Variants in CLOCK observed in about 807,000 individuals in gnomAD.
The protein encoded by CLOCK is circadian locomoter output cycles protein kaput.
CLOCK carries 43 observed loss-of-function variants against 118.4 expected under a neutral mutation model. The ratio of observed to expected loss-of-function variants is 0.36; its 90% CI spans 0.28 to 0.47. The LOEUF is 0.47. Ranked by LOEUF, CLOCK falls within the 20% of genes least tolerant of loss-of-function variation. The probability of loss-of-function intolerance (pLI) is 1.00; values close to 1 mark genes in which losing one functional copy is unlikely to be tolerated. For synonymous variants in CLOCK, 326 were observed against 339.2 expected (o/e 0.96, Z 0.43); for missense variants, 846 against 999.9 (o/e 0.85, Z 2.08).
intron 4 of CLOCK, among the ~76,000 whole-genome samples, chr4:55,480,034 A>G (rs1361976126): frequency 6.6e-6 from 1 of 152,220 alleles, no homozygotes; most frequent in African/African-American, 2.4e-5. Flanking sequence ...GCCATTATAT[A>G]AAATTATTTT....
At chr4:55,542,864 T>A (rs138834208) in intron 1 of CLOCK, among the ~76,000 whole-genome samples, 1 of 152,076 alleles carries the variant, frequency 6.6e-6, no homozygotes, top group African/African-American at 2.4e-5. Flanking sequence ...GTTTAACCCA[T>A]ACACTATCGA....
At chr4:55,510,116 T>C (rs1729043887) in intron 1 of CLOCK, 51 bp from the exon 2 acceptor site, 1 of 152,188 alleles carries the variant, frequency 6.6e-6, no homozygotes, top group Non-Finnish European at 1.5e-5. Context: ...TTAAGTAACA[T>C]TATTATCACT....
At chr4:55,464,672 A>G (rs187909401) in intron 8 of CLOCK, among the ~76,000 whole-genome samples, 1 of 152,268 alleles carries the variant, frequency 6.6e-6, no homozygotes, top group Non-Finnish European at 1.5e-5. Flanking sequence ...AAGCAGTTAT[A>G]CTTTTTGTTT....
rs542076582 is a variant in CLOCK at position 55,531,577 on chromosome 4, C to T, written c.-290+15205G>A. Among the ~76,000 whole-genome samples, 138 of 151,776 alleles carry T rather than the reference C, an allele frequency of 9.1e-4. 1 individual carries two copies. Among genetic ancestry groups the T allele is most frequent in the Non-Finnish European group, 1.1e-3 (76 of 67,882 alleles). ...TCAATTAGCTGGGCGTGGTGGTATG[C>T]GCCTATAGTCCCAGCTACTCTGGAA... On this transcript the variant is annotated intron_variant, in intron 1 of 22. Transcript: ENST00000513440.
intron 18 of CLOCK, 22 bp from the exon 19 acceptor site, chr4:55,444,807 A>C (rs748434248): frequency 8.7e-6 from 14 of 1,611,634 alleles, no homozygotes; most frequent in Middle Eastern, 1.7e-4. Context: ...TGTACGGAAA[A>C]AGTGTAATAT....
In CLOCK at chr4:55,478,804, T is replaced by C; in HGVS notation, c.256+11A>G. The C allele has an allele frequency of 6.2e-7, 1 of 1,611,438 alleles. No individual in the cohort carries two copies. On this transcript the variant is annotated intron_variant, in intron 6 of 22. Transcript: ENST00000513440. Reference sequence around the variant, plus strand: ...GAGAGTCTGTTCCATTTTACAGAGTTAAAAATTTACCTTTATGTTTTCGTA... The same window carrying C: ...GAGAGTCTGTTCCATTTTACAGAGTCAAAAATTTACCTTTATGTTTTCGTA...
chr4:55,448,594 A>ACGTG (rs1553891181), intron 18 of CLOCK, among the ~76,000 whole-genome samples, 185 bp downstream of exon 18: 1 of 81,342 alleles, frequency 1.2e-5, no homozygotes, highest in South Asian at 3.8e-4. Context: ...GCGCGCGCGC[A>ACGTG]CGCGCGCGTG....
intron 9 of CLOCK, 59 bp downstream of exon 9, chr4:55,463,626 A>G: frequency 1.3e-6 from 2 of 1,588,956 alleles, no homozygotes; most frequent in Non-Finnish European, 1.7e-6. Context: ...ATAAACTTGC[A>G]AAAGGATAGT....
At chr4:55,535,284 T>C (rs1011624246) in intron 1 of CLOCK, among the ~76,000 whole-genome samples, 2 of 152,134 alleles carry the variant, frequency 1.3e-5, no homozygotes, top group Admixed American at 6.5e-5. Flanking sequence ...GATTTTAACA[T>C]ATATACATTA....
chr4:55,520,347 T>G (rs957845971), intron 1 of CLOCK, among the ~76,000 whole-genome samples: 2 of 152,172 alleles, frequency 1.3e-5, no homozygotes, highest in South Asian at 2.1e-4. Flanking sequence ...AGATGAAAGC[T>G]TTAGAATTAC....
chr4:55,466,137 G>A (rs763070822), intron 8 of CLOCK, among the ~76,000 whole-genome samples: 3 of 152,150 alleles, frequency 2.0e-5, no homozygotes, highest in Non-Finnish European at 4.4e-5. Flanking sequence ...CATGGGAGGG[G>A]CTGAGTGGGA....
chr4:55,537,257 G>C (rs191941859), intron 1 of CLOCK, among the ~76,000 whole-genome samples: 11 of 152,242 alleles, frequency 7.2e-5, no homozygotes, highest in Admixed American at 5.2e-4. Flanking sequence ...CAAGGAAAGA[G>C]GATTGCTTGA....
intron 6 of CLOCK, among the ~76,000 whole-genome samples, chr4:55,477,011 G>C (rs573807585): frequency 6.6e-6 from 1 of 152,162 alleles, no homozygotes; most frequent in Admixed American, 6.5e-5. Context: ...GAGTAACTAA[G>C]AAGTAGAGCT....
At chr4:55,535,186 TA>T (rs1560484698) in intron 1 of CLOCK, among the ~76,000 whole-genome samples, 40 of 149,134 alleles carry the variant, frequency 2.7e-4, no homozygotes, top group East Asian at 7.9e-4. Flanking sequence ...TTTATCAGTA[TA>T]AAAAAAAATT....
At chr4:55,490,417 C>G (rs547397826) in intron 2 of CLOCK, among the ~76,000 whole-genome samples, 1 of 152,100 alleles carries the variant, frequency 6.6e-6, no homozygotes, top group Admixed American at 6.6e-5. Context: ...ACAATAGTAG[C>G]AGGAGATGTC....
Position 55,468,861 on chromosome 4 carries a change from C to T in CLOCK, c.438+1856G>A, listed in dbSNP as rs114883916. On this transcript the variant is annotated intron_variant, in intron 8 of 22. Transcript: ENST00000513440. ...AACATTGGACTGCATATATGACCAC[C>T]GGTGGCCCTAAGATTACAGTGGAGC... Among the ~76,000 whole-genome samples, 1,175 of 152,226 alleles carry T rather than the reference C, an allele frequency of 7.7e-3. 12 individuals are homozygous for T. Among genetic ancestry groups the T allele is most frequent in the African/African-American group, 0.026 (1,088 of 41,538 alleles).
At chr4:55,437,530 A>G (rs1330661509) in intron 22 of CLOCK, among the ~76,000 whole-genome samples, 2 of 152,204 alleles carry the variant, frequency 1.3e-5, no homozygotes, top group African/African-American at 2.4e-5. Context: ...ATCTGTGTCT[A>G]TATTTTGGCT....
At chr4:55,492,405 A>C (rs1727771712) in intron 2 of CLOCK, among the ~76,000 whole-genome samples, 1 of 152,032 alleles carries the variant, frequency 6.6e-6, no homozygotes, top group Non-Finnish European at 1.5e-5. Flanking sequence ...AGGAATTTAT[A>C]AACCAAGAAA....
At chr4:55,511,369 C>T (rs1560467997) in intron 1 of CLOCK, among the ~76,000 whole-genome samples, 1 of 152,086 alleles carries the variant, frequency 6.6e-6, no homozygotes, top group Non-Finnish European at 1.5e-5. Flanking sequence ...CTTCTTGACA[C>T]AATATTGAAA....
Sources: allele counts gnomAD v4.1 joint callset (sites outside exome capture counted in the v4.1 genomes callset), GRCh38; gene constraint gnomAD v4.1.1; transcripts MANE v1.5; gene names NCBI Gene and HGNC (gene_info 2026-07-23, HGNC 2026-07-21).